The following CEL variants were observed in gnomAD, a reference collection of about 807,000 sequenced individuals.
CEL encodes bile salt-activated lipase.
Under a neutral mutation model 57.1 loss-of-function variants are expected in CEL, and 39 were observed. The observed-to-expected ratio is 0.68, with a 90% CI of 0.53 to 0.89. The LOEUF (loss-of-function observed/expected upper bound fraction) is 0.89, where lower values mean the gene tolerates loss of function less well. Ranked by LOEUF, CEL falls within the 40% of genes least tolerant of loss-of-function variation. The pLI, the probability that CEL is intolerant of heterozygous loss-of-function variation, is 0.00. For synonymous variants in CEL, 314 were observed against 396.6 expected (o/e 0.79, Z 2.48); for missense variants, 698 against 915.0 (o/e 0.76, Z 3.06).
At chr9:133,070,755 G>A in intron 10 of CEL, 97 bp downstream of exon 10, 1 of 1,522,824 alleles carries the variant, frequency 6.6e-7, no homozygotes, top group Non-Finnish European at 9.1e-7. Context: ...AGGGACTTTG[G>A]GCAAGTCACT....
intron 10 of CEL, 54 bp downstream of exon 10, chr9:133,070,712 A>G: frequency 6.2e-7 from 1 of 1,609,636 alleles, no homozygotes; most frequent in South Asian, 1.1e-5. Context: ...AGGGCCTCCC[A>G]CCACGAGGCC....
chr9:133,070,434 C>T (rs748078190), intron 9 of CEL, 27 bp from the exon 10 acceptor site: 1 of 1,597,822 alleles, frequency 6.3e-7, no homozygotes, highest in Admixed American at 1.7e-5. Flanking sequence ...GAGCACCCTG[C>T]CTACTTGGGT....
intron 6 of CEL, 62 bp downstream of exon 6, chr9:133,067,007 T>C: frequency 3.1e-6 from 5 of 1,605,192 alleles, no homozygotes; most frequent in Non-Finnish European, 4.3e-6. Context: ...TTCTTTATCC[T>C]GGACCCCATC....
intron 7 of CEL, among the ~76,000 whole-genome samples, chr9:133,068,451 G>A (rs981672376): frequency 1.3e-5 from 2 of 151,946 alleles, no homozygotes; most frequent in African/African-American, 4.8e-5. Context: ...GTCACAGCTG[G>A]GGAGGGGGTG....
chr9:133,065,145 A>G lies in CEL; in HGVS notation c.446A>G (p.Glu149Gly). Residue 149 changes from glutamate (E) to glycine (G), a missense_variant, in exon 4 of 11, where the codon GAG becomes GGG. Transcript: ENST00000372080. ...FLNNYLYDGE[E>G]IATRGNVIVV... ...AACAACTACCTGTATGACGGCGAGG[A>G]GATCGCCACACGCGGAAACGTCATC... 6.2e-7 allele frequency: 1 copy of G among 1,613,968 alleles called. No homozygotes were observed. Among genetic ancestry groups the G allele is most frequent in the Non-Finnish European group, 8.5e-7 (1 of 1,180,036 alleles).
In CEL at chr9:133,070,506, G is replaced by T. The variant is rs2119068767; in HGVS notation, c.1332G>T (p.Met444Ile). ...ACCTGTTTTCCCATCCCTCTCGGAT[G>T]CCCGTCTACCCCAAATGGGTGGGGG... ...YAYLFSHPSRMPVYPKWVGAD... is the reference protein window; with the variant it reads ...YAYLFSHPSRIPVYPKWVGAD... The change falls in exon 10 of 11, where the codon ATG (methionine) becomes ATT (isoleucine). Residue 444 changes from methionine to isoleucine, a missense_variant. Around this residue, in one of 6 missense-constraint regions of CEL, gnomAD observed 111 missense variants for 147.3 expected, o/e 0.75. Transcript: ENST00000372080. The T allele has an allele frequency of 6.2e-7, 1 of 1,613,880 alleles. No homozygotes were observed. Among genetic ancestry groups the T allele is most frequent in the South Asian group, 1.1e-5 (1 of 91,072 alleles).
chr9:133,064,082 C>G (rs567325228), intron 1 of CEL, among the ~76,000 whole-genome samples: 1 of 152,212 alleles, frequency 6.6e-6, no homozygotes, highest in African/African-American at 2.4e-5. Context: ...AACTGAGGAT[C>G]GGAGTCAAAG....
At chr9:133,065,426 G>A (rs1253314837) in intron 4 of CEL, among the ~76,000 whole-genome samples, 189 bp downstream of exon 4, 5 of 152,338 alleles carry the variant, frequency 3.3e-5, no homozygotes, top group Admixed American at 1.3e-4. Flanking sequence ...TGCAGAGGCC[G>A]GGAGAGATGG....
chr9:133,067,256 G>T (rs759706318), intron 7 of CEL, 51 bp downstream of exon 7: 4 of 1,526,030 alleles, frequency 2.6e-6, no homozygotes, highest in Non-Finnish European at 3.6e-6. Context: ...GGGGTTGAGG[G>T]GGGTACTGCC....
Position 133,065,973 on chromosome 9 carries a change from G to A in CEL, c.539-557G>A, listed in dbSNP as rs560230389. On this transcript the variant is annotated intron_variant, in intron 4 of 10. Transcript: ENST00000372080. ...TTCAAAGCTGCAGTGAGCCGTGGTC[G>A]TGCCACTGCACTCCAGCCTGGGCGA... 1.6e-4 allele frequency among the ~76,000 whole-genome samples: 25 copies of A among 151,890 alleles called. No homozygotes were observed. The South Asian group carries it at 5.2e-3, about 32-fold the overall frequency.
chr9:133,064,136 G>C (rs1830136467), intron 1 of CEL, among the ~76,000 whole-genome samples: 1 of 152,170 alleles, frequency 6.6e-6, no homozygotes, highest in African/African-American at 2.4e-5. Context: ...CCCACCTCTT[G>C]GCCGGCTTCC....
At chr9:133,068,129 G>C (rs1588490795) in intron 7 of CEL, among the ~76,000 whole-genome samples, 1 of 152,346 alleles carries the variant, frequency 6.6e-6, no homozygotes, top group East Asian at 1.9e-4. Flanking sequence ...AAAACCTGCT[G>C]TGCTGGGCCC....
Position 133,070,629 on chromosome 9 carries a change from C to A in CEL, c.1455C>A (p.Ile485=). 1 of 1,614,190 alleles carries A rather than the reference C, an allele frequency of 6.2e-7. No homozygotes were observed. The highest frequency in any genetic ancestry group is 8.5e-7 in the Non-Finnish European group (1 of 1,180,036). ...ACAGGACAGTCTCTAAGGCCATGAT[C>A]GCCTACTGGACCAACTTTGCCAAAA... ...PQDRTVSKAM[I]AYWTNFAKTG... is the part of the protein sequence containing the mutation. Residue 485 remains isoleucine, a synonymous_variant, in exon 10 of 11, where the codon ATC becomes ATA. Transcript: ENST00000372080.
chr9:133,065,246 G>A lies in CEL; in HGVS notation c.538+9G>A, dbSNP rs762088113. The A allele has an allele frequency of 6.2e-7, 1 of 1,611,776 alleles. No individual in the cohort carries two copies. Among genetic ancestry groups the A allele is most frequent in the Non-Finnish European group, 8.5e-7 (1 of 1,179,934 alleles). On this transcript the variant is annotated intron_variant, in intron 4 of 10. Transcript: ENST00000372080. The stretch of plus-strand genomic sequence containing the variant: ...GGACGCCAATCTGCCAGGTGCGTGG[G>A]TGCCTTCGGCCCTGAGGTGGGGCGA...
Position 133,070,482 on chromosome 9 carries a change from C to A in CEL, c.1308C>A (p.Tyr436Ter), listed in dbSNP as rs1830241919. 6.2e-7 allele frequency: 1 copy of A among 1,613,740 alleles called. No individual in the cohort carries two copies. ...ANAKSAKTYA[Y>*]LFSHPSRMPV... ...CCAGGAGTGCCAAGACCTACGCCTA[C>A]CTGTTTTCCCATCCCTCTCGGATGC... The change falls in exon 10 of 11, where the codon TAC becomes TAA. Residue 436 changes from tyrosine to a stop codon, truncating the protein, a stop_gained. Coordinates refer to ENST00000372080, the MANE Select transcript of CEL (RefSeq NM_001807.6). LOFTEE classifies it high-confidence loss of function.
rs764816823 is a variant in CEL at position 133,066,782 on chromosome 9, C to A, written c.670-56C>A. On this transcript the variant is annotated intron_variant, in intron 5 of 10. Transcript: ENST00000372080. This position sits in a 1 kb window ranked among gnomAD's most constrained non-coding sequence, Gnocchi z 4.3. ...TGGTGCTGGGGTGTCCTTGTCCCAG[C>A]GTGGGGTGGGCAGAGTGGGGAGCGG... The A allele has an allele frequency of 1.6e-5, 25 of 1,605,942 alleles. No individual in the cohort carries two copies. The highest frequency in any genetic ancestry group is 2.2e-5 in the East Asian group (1 of 44,746).
rs1247452341 is a variant in CEL at position 133,061,997 on chromosome 9, C to T, written c.-6C>T. On this transcript the variant is annotated 5_prime_UTR_variant, in exon 1 of 11. Transcript: ENST00000372080. ...GGGGAGGGCCACCCAGAGGCTGATG[C>T]TCACCATGGGGCGCCTGCAACTGGT... The T allele has an allele frequency of 1.3e-6, 2 of 1,550,946 alleles. No individual in the cohort carries two copies. Among genetic ancestry groups the T allele is most frequent in the Admixed American group, 3.9e-5 (2 of 51,274 alleles).
At chr9:133,070,349 A>T in intron 9 of CEL, 112 bp from the exon 10 acceptor site, 1 of 862,628 alleles carries the variant, frequency 1.2e-6, no homozygotes, top group East Asian at 2.7e-5. Context: ...CTTCATGTGA[A>T]TTCCCCAGAC....
At chr9:133,064,590 G>A (rs1588488579) in intron 2 of CEL, 36 bp downstream of exon 2, 2 of 1,613,854 alleles carry the variant, frequency 1.2e-6, no homozygotes, top group East Asian at 4.5e-5. Context: ...CCCTGCGGCG[G>A]GGCGGGTGAG....
Sources: allele counts gnomAD v4.1 joint callset (sites outside exome capture counted in the v4.1 genomes callset), GRCh38; gene constraint gnomAD v4.1.1; regional missense constraint gnomAD v4.1.1; non-coding constraint Gnocchi (gnomAD v3.1); transcripts MANE v1.5; gene names NCBI Gene and HGNC (gene_info 2026-07-23, HGNC 2026-07-21).